The following ANK3 variants were observed in gnomAD, a reference collection of about 807,000 sequenced individuals.
ANK3 encodes the protein ankyrin 3.
Under a neutral mutation model 370.9 loss-of-function variants are expected in ANK3, and 57 were observed. The observed-to-expected ratio is 0.15, with a 90% CI of 0.12 to 0.19. The LOEUF (loss-of-function observed/expected upper bound fraction) is 0.19. Among genes scored for constraint, ANK3 ranks in the 10% least tolerant of loss-of-function variants. ANK3 has a pLI of 1.00. For synonymous variants in ANK3, 1,929 were observed against 1,946.3 expected (o/e 0.99, Z 0.23); for missense variants, 4,439 against 5,302.1 (o/e 0.84, Z 5.06).
chr10:60,693,560 G>A (rs1420434671), intron 1 of ANK3, among the ~76,000 whole-genome samples: 1 of 152,182 alleles, frequency 6.6e-6, no homozygotes, highest in African/African-American at 2.4e-5. Flanking sequence ...TCTGAGAACG[G>A]GCAGACTGCC....
intron 1 of ANK3, among the ~76,000 whole-genome samples, chr10:60,674,114 T>C (rs1000401070): frequency 6.6e-6 from 1 of 151,222 alleles, no homozygotes; most frequent in Non-Finnish European, 1.5e-5. Flanking sequence ...GTTCTTGTAT[T>C]AAAAAAAAAG....
intron 2 of ANK3, among the ~76,000 whole-genome samples, chr10:60,594,988 A>T (rs1433800538): frequency 2.0e-5 from 3 of 152,166 alleles, no homozygotes; most frequent in Admixed American, 2.0e-4. Context: ...CAACAAGGTA[A>T]GTATCCCCTG....
At chr10:60,455,399 G>A (rs2064720632) in intron 2 of ANK3, among the ~76,000 whole-genome samples, 1 of 152,100 alleles carries the variant, frequency 6.6e-6, no homozygotes. Context: ...CTAAATATAG[G>A]TAATGAAAAT....
intron 23 of ANK3, among the ~76,000 whole-genome samples, chr10:60,141,750 T>C (rs1026658313): frequency 6.6e-6 from 1 of 151,770 alleles, no homozygotes; most frequent in Non-Finnish European, 1.5e-5. Flanking sequence ...GTAGAACCGA[T>C]AAAGTAGGGG....
At chr10:60,670,462 G>A (rs7096752) in intron 1 of ANK3, among the ~76,000 whole-genome samples, 1,636 of 152,022 alleles carry the variant, frequency 0.011, 26 homozygotes, top group African/African-American at 0.037. Flanking sequence ...AGATCCACTC[G>A]GTTCCAAACC....
At chr10:60,438,461 C>T (rs1352498384) in intron 2 of ANK3, among the ~76,000 whole-genome samples, 1 of 152,120 alleles carries the variant, frequency 6.6e-6, no homozygotes, top group Non-Finnish European at 1.5e-5. Flanking sequence ...AAGACCTAAC[C>T]TAGTTCCCAC....
intron 7 of ANK3, among the ~76,000 whole-genome samples, chr10:60,249,911 C>T (rs1403699457): frequency 1.3e-5 from 2 of 152,236 alleles, no homozygotes; most frequent in Non-Finnish European, 2.9e-5. Context: ...TCTGGATTCA[C>T]ACCTGTGTTC....
At position 60,053,776 on chromosome 10, in the gene ANK3, C is replaced by G. The variant is rs553437819; in HGVS notation, c.13065+1882G>C. Reference sequence around the variant, plus strand: ...GGGGCTGTTTTCTGAGATCATACATCAGATGACCTAGTTGGTTGCTATTAT... The same window carrying G: ...GGGGCTGTTTTCTGAGATCATACATGAGATGACCTAGTTGGTTGCTATTAT... On this transcript the variant is annotated intron_variant, in intron 42 of 43. Coordinates refer to ENST00000280772, the MANE Select transcript of ANK3 (RefSeq NM_020987.5). 414 of 1,289,004 alleles carry G rather than the reference C, an allele frequency of 3.2e-4. 5 individuals are homozygous for G. The African/African-American group carries it at 5.9e-3, about 18-fold the overall frequency. 79.8% of individuals were successfully genotyped at this position (1,289,004 alleles called of 1,614,324 possible). A position where few individuals can be genotyped will look rare whatever the true frequency, so the allele number is the denominator to read the frequency against.
At position 60,092,634 on chromosome 10, in the gene ANK3, C is replaced by G. The variant is rs563883642; in HGVS notation, c.3329-4276G>C. On this transcript the variant is annotated intron_variant, in intron 28 of 43. Transcript: ENST00000280772. The stretch of plus-strand genomic sequence containing the variant: ...AAGTAACTATTAGAAAAAAAAGGAA[C>G]TGCAATTTTACTCCTTTTTGCCTCC... 1.2e-4 allele frequency among the ~76,000 whole-genome samples: 19 copies of G among 152,260 alleles called. No individual in the cohort carries two copies. In the South Asian group the frequency reaches 3.3e-3, roughly 27 times the overall value.
At chr10:60,079,189 A>G (rs950801682) in intron 36 of ANK3, among the ~76,000 whole-genome samples, 1 of 131,536 alleles carries the variant, frequency 7.6e-6, no homozygotes, top group Admixed American at 7.4e-5. Context: ...ACACACACAC[A>G]CACACACACA....
At chr10:60,080,295 A>C (rs1014249278) in intron 36 of ANK3, among the ~76,000 whole-genome samples, 1 of 152,220 alleles carries the variant, frequency 6.6e-6, no homozygotes, top group Non-Finnish European at 1.5e-5. Context: ...AAAGTAATAC[A>C]TGTTTCTAAT....
At chr10:60,121,733 C>A (rs1048069861) in intron 25 of ANK3, among the ~76,000 whole-genome samples, 4 of 150,266 alleles carry the variant, frequency 2.7e-5, no homozygotes, top group Admixed American at 6.6e-5. Context: ...TTTGGTAGTA[C>A]AACAGAGTGA....
At chr10:60,648,868 TCCTG>T (rs2078748643) in intron 1 of ANK3, among the ~76,000 whole-genome samples, 1 of 15,876 alleles carries the variant, frequency 6.3e-5, no homozygotes, top group Non-Finnish European at 1.6e-4. Context: ...CTGCTTCTGC[TCCTG>T]CTCCTGCTCC....
chr10:60,069,606 T>A lies in ANK3; in HGVS notation c.11275A>T (p.Thr3759Ser). 1 of 1,614,104 alleles carries A rather than the reference T, an allele frequency of 6.2e-7. No homozygotes were observed. The highest frequency in any genetic ancestry group is 8.5e-7 in the Non-Finnish European group (1 of 1,180,012). The change falls in exon 37 of 44, where the codon ACT becomes TCT. Residue 3759 changes from threonine (T) to serine (S), a missense_variant. Transcript: ENST00000280772. Reference sequence around the variant, plus strand: ...GCTGTATTTGAAATCATTGTTATAGTTTCATTTTCTAATCCCTGACAACTG... The same window carrying A: ...GCTGTATTTGAAATCATTGTTATAGATTCATTTTCTAATCCCTGACAACTG... The part of the protein sequence containing the change: ...MTSCQGLENE[T>S]ITMISNTANS...
At position 60,070,746 on chromosome 10, in the gene ANK3, G is replaced by T; in HGVS notation, c.10135C>A (p.Gln3379Lys). Residue 3379 changes from glutamine to lysine, a missense_variant, in exon 37 of 44, where the codon CAG becomes AAG. Coordinates refer to ENST00000280772, the MANE Select transcript of ANK3 (RefSeq NM_020987.5). The surrounding 1 kb of genome is among the most constrained non-coding windows in gnomAD (Gnocchi z 5.7). Reference protein sequence around the residue: ...NEFGLGLDSPQNEIAQNGNND... With the variant: ...NEFGLGLDSPKNEIAQNGNND... ...TTCCCATTCTGGGCAATTTCATTCTGAGGTGAATCAAGGCCAAGGCCAAAT... is the reference window on the plus strand; with the variant it reads ...TTCCCATTCTGGGCAATTTCATTCTTAGGTGAATCAAGGCCAAGGCCAAAT... 6.2e-7 allele frequency: 1 copy of T among 1,614,164 alleles called. No homozygotes were observed. The highest frequency in any genetic ancestry group is 1.7e-5 in the Admixed American group (1 of 60,016).
In ANK3 at chr10:60,075,626, A is replaced by G. The variant is rs747646204; in HGVS notation, c.5255T>C (p.Val1752Ala). 1 of 1,614,100 alleles carries G rather than the reference A, an allele frequency of 6.2e-7. No homozygotes were observed. The change falls in exon 37 of 44, where the codon GTG (valine) becomes GCG (alanine). Residue 1752 changes from valine (V) to alanine (A), a missense_variant. Coordinates refer to ENST00000280772, the MANE Select transcript of ANK3 (RefSeq NM_020987.5). Reference protein sequence around the residue: ...QEKISSATNSVSSVVSAATDT... With the variant: ...QEKISSATNSASSVVSAATDT... ...AGTGGCTGCACTGACCACAGAGCTC[A>G]CAGAGTTTGTAGCAGAAGAAATTTT...
chr10:60,085,677 G>A (rs1395860245), intron 30 of ANK3, among the ~76,000 whole-genome samples: 1 of 142,864 alleles, frequency 7.0e-6, no homozygotes, highest in Non-Finnish European at 1.5e-5. Context: ...GTGCAATGGT[G>A]CGATCTCGGC....
chr10:60,395,620 C>CAT (rs1212429705), intron 2 of ANK3, among the ~76,000 whole-genome samples: 17 of 32,658 alleles, frequency 5.2e-4, no homozygotes, highest in African/African-American at 2.2e-3. Context: ...CTCTTTCGTT[C>CAT]TCTCTCTCTC....
chr10:60,076,013 C>T lies in ANK3; in HGVS notation c.4868G>A (p.Arg1623Gln), dbSNP rs143606308. 149 of 1,614,026 alleles carry T rather than the reference C, an allele frequency of 9.2e-5. No homozygotes were observed. The highest frequency in any genetic ancestry group is 1.2e-4 in the Non-Finnish European group (140 of 1,180,012). The stretch of plus-strand genomic sequence containing the variant: ...CCCTGCTGTAGTCACTGGAGAGGTT[C>T]GAGAGGAAAACGTAGAATTGGATGC... ...GLASNSTFSSRTSPVTTAGSL... is the reference protein window; with the variant it reads ...GLASNSTFSSQTSPVTTAGSL... Residue 1623 changes from arginine (R) to glutamine (Q), a missense_variant, in exon 37 of 44, where the codon CGA (arginine) becomes CAA (glutamine). Physicochemically the swap from Arg to Gln is conservative, Grantham distance 43. Around this residue, in one of 13 missense-constraint regions of ANK3, gnomAD observed 679 missense variants for 791.0 expected, o/e 0.86. Transcript: ENST00000280772.
Sources: allele counts gnomAD v4.1 joint callset (sites outside exome capture counted in the v4.1 genomes callset), GRCh38; gene constraint gnomAD v4.1.1; regional missense constraint gnomAD v4.1.1; non-coding constraint Gnocchi (gnomAD v3.1); transcripts MANE v1.5; gene names NCBI Gene and HGNC (gene_info 2026-07-23, HGNC 2026-07-21).